Variants in FAM200B observed in about 807,000 individuals in gnomAD.
FAM200B encodes the protein protein FAM200B.
A neutral mutation model predicts 33.1 loss-of-function variants in FAM200B; 32 were observed. That is an observed-to-expected ratio of 0.97 (90% CI 0.73 to 1.30). The LOEUF (loss-of-function observed/expected upper bound fraction) is 1.30, where lower values mean the gene tolerates loss of function less well. Ranked by LOEUF, FAM200B falls within the 50% of genes most tolerant of loss-of-function variation. The pLI is 0.00. For missense variants in FAM200B, 741 were observed against 754.0 expected (o/e 0.98, Z 0.20); for synonymous variants, 240 against 264.8 (o/e 0.91, Z 0.91).
intron 1 of FAM200B, among the ~76,000 whole-genome samples, chr4:15,682,610 C>T (rs755009208): frequency 1.3e-5 from 2 of 152,180 alleles, no homozygotes; most frequent in South Asian, 2.1e-4. Flanking sequence ...TGTAACTCCA[C>T]CTTATTCATC....
At chr4:15,653,128 TCA>T in the FAM200B span, among the ~76,000 whole-genome samples, 6 of 152,144 alleles carry the variant, frequency 3.9e-5, no homozygotes. Flanking sequence ...CTAAATCGCC[TCA>T]GTTTCAGTTC....
At chr4:15,640,856 T>C in the FAM200B span, 1 of 1,553,836 alleles carries the variant, frequency 6.4e-7, no homozygotes, top group Non-Finnish European at 8.7e-7. Flanking sequence ...TTCAGTTGTT[T>C]TGCATAATTT....
At chr4:15,639,712 T>G in the FAM200B span, among the ~76,000 whole-genome samples, 4 of 152,180 alleles carry the variant, frequency 2.6e-5, no homozygotes, top group African/African-American at 7.2e-5. Flanking sequence ...TTACAATGAG[T>G]TGGGGGGCCC....
chr4:15,654,910 C>G, the FAM200B span, among the ~76,000 whole-genome samples: 12 of 152,050 alleles, frequency 7.9e-5, no homozygotes, highest in Non-Finnish European at 7.4e-5. Flanking sequence ...TGGGGCCGGC[C>G]CGAGGGCGGC....
chr4:15,657,543 A>G, the FAM200B span, among the ~76,000 whole-genome samples: 1 of 152,370 alleles, frequency 6.6e-6, no homozygotes, highest in East Asian at 1.9e-4. Flanking sequence ...ACTGTAACCC[A>G]GATTTGAAGC....
chr4:15,644,719 A>C, the FAM200B span: 1 of 1,580,294 alleles, frequency 6.3e-7, no homozygotes, highest in Non-Finnish European at 8.6e-7. Context: ...CTGAATAAAA[A>C]TTTAAAAAGA....
At chr4:15,655,121 G>GCAGGC in the FAM200B span, 1 of 1,108,752 alleles carries the variant, frequency 9.0e-7, no homozygotes, top group East Asian at 4.2e-5. Context: ...CGGGCGCGGC[G>GCAGGC]CAGGCCAGGC....
the FAM200B span, among the ~76,000 whole-genome samples, chr4:15,667,722 A>C: frequency 1.2e-4 from 18 of 152,290 alleles, no homozygotes; most frequent in African/African-American, 4.3e-4. Flanking sequence ...GTTGGCCAGA[A>C]TATTTTTACT....
chr4:15,662,163 G>T, the FAM200B span, among the ~76,000 whole-genome samples: 1 of 150,354 alleles, frequency 6.7e-6, no homozygotes, highest in African/African-American at 2.4e-5. Context: ...TTACACAATG[G>T]TGTACCTAAT....
At chr4:15,647,551 G>A in the FAM200B span, among the ~76,000 whole-genome samples, 2 of 152,040 alleles carry the variant, frequency 1.3e-5, no homozygotes, top group African/African-American at 4.8e-5. Flanking sequence ...GACATACAGG[G>A]AATTTTGCAT....
chr4:15,656,041 G>A, the FAM200B span, among the ~76,000 whole-genome samples: 1 of 152,244 alleles, frequency 6.6e-6, no homozygotes, highest in Non-Finnish European at 1.5e-5. Context: ...CAACGTGGGG[G>A]AAAAACAGTA....
the FAM200B span, among the ~76,000 whole-genome samples, chr4:15,650,050 G>C: frequency 2.1e-4 from 32 of 152,272 alleles, no homozygotes; most frequent in African/African-American, 7.0e-4. Context: ...CACCAAGGCA[G>C]TAATTTTGCC....
At chr4:15,665,395 G>A in the FAM200B span, among the ~76,000 whole-genome samples, 1 of 151,960 alleles carries the variant, frequency 6.6e-6, no homozygotes, top group African/African-American at 2.4e-5. Flanking sequence ...CTCCAACAAC[G>A]GCTTATTATT....
the FAM200B span, among the ~76,000 whole-genome samples, chr4:15,642,389 C>T: frequency 6.6e-6 from 1 of 151,934 alleles, no homozygotes; most frequent in South Asian, 2.1e-4. Flanking sequence ...CCCATCACAA[C>T]TCCCAGCTAA....
chr4:15,673,767 A>T, the FAM200B span, among the ~76,000 whole-genome samples: 2 of 152,294 alleles, frequency 1.3e-5, no homozygotes, highest in South Asian at 4.1e-4. Context: ...TCTCCCTTCT[A>T]GCAAACTCTG....
the FAM200B span, among the ~76,000 whole-genome samples, chr4:15,650,766 G>A: frequency 1.3e-5 from 2 of 149,678 alleles, no homozygotes; most frequent in African/African-American, 2.5e-5. Flanking sequence ...CTGAGTAGCT[G>A]GGATTACAGG....
chr4:15,642,383 T>C, the FAM200B span, among the ~76,000 whole-genome samples: 1 of 151,688 alleles, frequency 6.6e-6, no homozygotes. Context: ...CAGGTGCCCA[T>C]CACAACTCCC....
chr4:15,659,940 G>A, the FAM200B span: 1 of 152,924 alleles, frequency 6.5e-6, no homozygotes, highest in African/African-American at 2.4e-5. Flanking sequence ...GGAAAGAAAT[G>A]ATAAGTTCCT....
chr4:15,689,727 T>C lies in FAM200B; in HGVS notation c.*776T>C, dbSNP rs1188511120. 6.2e-6 allele frequency: 1 copy of C among 160,800 alleles called. No individual in the cohort carries two copies. The highest frequency in any genetic ancestry group is 6.5e-5 in the Admixed American group (1 of 15,286). The allele number at this position is 160,800 out of a possible 1,614,324, so 10.0% of individuals were successfully genotyped here. On this transcript the variant is annotated 3_prime_UTR_variant, in exon 2 of 2. Transcript: ENST00000422728. ...AGGAGTTTGAAGTTGCAGTCATCTA[T>C]GATTGCACCACTGCAGTCCAGCCTG... is the stretch of plus-strand genomic sequence containing the variant.
Sources: gnomAD v4.1 joint callset for allele counts (sites outside exome capture counted in the v4.1 genomes callset) on GRCh38, gnomAD v4.1.1 for gene constraint, MANE v1.5 for transcripts, NCBI Gene and HGNC (gene_info 2026-07-23, HGNC 2026-07-21) for gene names.